Variants in FOCAD observed in about 807,000 individuals in gnomAD.
The protein encoded by FOCAD is focadhesin.
In FOCAD, 198 loss-of-function variants were observed where a neutral mutation model predicts 225.6. The observed-to-expected ratio is 0.88, with a 90% CI of 0.78 to 0.99. The LOEUF is 0.99. FOCAD is among the 50% of genes least tolerant of loss of function. The pLI is 0.00. For synonymous variants in FOCAD, 897 were observed against 755.0 expected (o/e 1.19, Z -3.08); for missense variants, 2,713 against 2,123.6 (o/e 1.28, Z -5.46).
chr9:20,789,611 A>G lies in FOCAD; in HGVS notation c.1455+3A>G, dbSNP rs202104932. Reference sequence around the variant, plus strand: ...TAGCCCAAGCAGATTCCTCCCAGGTAAAGCAAGAGAATAATGGAACAATAA... The same window carrying G: ...TAGCCCAAGCAGATTCCTCCCAGGTGAAGCAAGAGAATAATGGAACAATAA... On this transcript the variant is annotated splice_donor_region_variant and intron_variant, in intron 11 of 43. Coordinates refer to ENST00000338382, the MANE Select transcript of FOCAD (RefSeq NM_001375567.1). The G allele has an allele frequency of 1.7e-4, 281 of 1,613,650 alleles. 1 individual carries two copies. The South Asian group carries it at 2.8e-3, about 16-fold the overall frequency.
chr9:20,980,313 C>T (rs1014509675), intron 37 of FOCAD, among the ~76,000 whole-genome samples: 2 of 152,086 alleles, frequency 1.3e-5, no homozygotes, highest in African/African-American at 4.8e-5. Flanking sequence ...AAAGAGAGAG[C>T]TCTATCTATC....
chr9:20,656,070 C>T (rs1442531693), upstream of FOCAD, among the ~76,000 whole-genome samples: 7 of 150,984 alleles, frequency 4.6e-5, no homozygotes, highest in Non-Finnish European at 1.0e-4. Flanking sequence ...GTTCAGTTTC[C>T]ATGTAGTTGA....
At chr9:20,877,693 G>A (rs1587480891) in intron 19 of FOCAD, among the ~76,000 whole-genome samples, 2 of 151,974 alleles carry the variant, frequency 1.3e-5, no homozygotes, top group East Asian at 1.9e-4. Flanking sequence ...AAAATCATTC[G>A]AAAACCTCAA....
chr9:20,770,057 A>G lies in FOCAD; in HGVS notation c.725A>G (p.Glu242Gly). ...GTAAAAGATTTGATACAGACAACAG[A>G]GGCGATGATGTTTATTGAGGAAGTA... ...LQVKDLIQTTEAMMFIEEVCL... is the reference protein window; with the variant it reads ...LQVKDLIQTTGAMMFIEEVCL... The change falls in exon 8 of 44, where the codon GAG becomes GGG. Residue 242 changes from glutamate (E) to glycine (G), a missense_variant. Physicochemically the swap from Glu to Gly is moderately conservative, Grantham distance 98. Transcript: ENST00000338382. The G allele has an allele frequency of 6.2e-7, 1 of 1,614,062 alleles. No homozygotes were observed. Among genetic ancestry groups the G allele is most frequent in the East Asian group, 2.2e-5 (1 of 44,874 alleles).
intron 26 of FOCAD, 113 bp downstream of exon 26, chr9:20,926,530 T>A (rs1834964212): frequency 1.5e-6 from 1 of 674,722 alleles, no homozygotes; most frequent in Non-Finnish European, 2.6e-6. Flanking sequence ...ACGCCTGTAA[T>A]CCCAGCACTT....
intron 10 of FOCAD, among the ~76,000 whole-genome samples, chr9:20,783,390 T>G (rs1339365071): frequency 1.3e-5 from 2 of 152,148 alleles, no homozygotes; most frequent in African/African-American, 4.8e-5. Context: ...GCTTTTTTTT[T>G]TCCTGCACCT....
chr9:20,975,665 T>C (rs1232586973), intron 35 of FOCAD, among the ~76,000 whole-genome samples: 1 of 152,116 alleles, frequency 6.6e-6, no homozygotes, highest in Non-Finnish European at 1.5e-5. Context: ...AGAGGACAGC[T>C]AAGTAGCAAC....
intron 4 of FOCAD, among the ~76,000 whole-genome samples, chr9:20,736,592 C>T (rs1827169120): frequency 6.6e-6 from 1 of 152,124 alleles, no homozygotes; most frequent in Non-Finnish European, 1.5e-5. Flanking sequence ...TTCCAGGCCT[C>T]AGCGTTCATT....
chr9:20,717,435 A>G (rs1380840544), intron 2 of FOCAD, among the ~76,000 whole-genome samples: 1 of 152,224 alleles, frequency 6.6e-6, no homozygotes, highest in African/African-American at 2.4e-5. Context: ...TTTCAGTGCA[A>G]AGATGATTTT....
At chr9:20,696,789 C>G (rs553068783) in intron 1 of FOCAD, among the ~76,000 whole-genome samples, 1 of 151,988 alleles carries the variant, frequency 6.6e-6, no homozygotes, top group South Asian at 2.1e-4. Flanking sequence ...TGGGTGACAG[C>G]AAGACTCTAT....
chr9:20,752,941 C>G (rs922451895), intron 5 of FOCAD, among the ~76,000 whole-genome samples: 2 of 149,068 alleles, frequency 1.3e-5, no homozygotes, highest in Non-Finnish European at 3.0e-5. Context: ...GGAGTTCACT[C>G]ATGATTTGGC....
chr9:20,687,905 GC>G (rs1303738507), intron 1 of FOCAD, among the ~76,000 whole-genome samples: 1 of 152,178 alleles, frequency 6.6e-6, no homozygotes, highest in East Asian at 1.9e-4. Flanking sequence ...TTCAGAGAAG[GC>G]TTTATGGAGG....
intron 2 of FOCAD, among the ~76,000 whole-genome samples, chr9:20,669,417 G>A (rs1010539968): frequency 2.6e-5 from 4 of 152,108 alleles, no homozygotes; most frequent in African/African-American, 4.8e-5. Context: ...GGATTCTTGG[G>A]CCCAGAAACT....
chr9:20,683,975 C>T (rs773996327), upstream of FOCAD: 1 of 152,302 alleles, frequency 6.6e-6, no homozygotes, highest in African/African-American at 2.4e-5. Flanking sequence ...TTCCTTTAAT[C>T]TGATTTTCCT....
chr9:20,797,922 G>A (rs1319644621), intron 11 of FOCAD, among the ~76,000 whole-genome samples: 1 of 152,134 alleles, frequency 6.6e-6, no homozygotes, highest in East Asian at 1.9e-4. Context: ...CTTGTCTTGT[G>A]CCGGTTTTCA....
At chr9:20,810,815 C>A (rs780486268) in intron 11 of FOCAD, among the ~76,000 whole-genome samples, 1 of 152,032 alleles carries the variant, frequency 6.6e-6, no homozygotes, top group African/African-American at 2.4e-5. Flanking sequence ...CTACATCAAA[C>A]CCCTCAAGTG....
At chr9:20,740,678 C>T (rs1827538754) in intron 5 of FOCAD, among the ~76,000 whole-genome samples, 1 of 152,026 alleles carries the variant, frequency 6.6e-6, no homozygotes, top group Non-Finnish European at 1.5e-5. Context: ...ATATTTAAAG[C>T]AGGGGGGGAT....
In FOCAD at chr9:20,968,431, C is replaced by CTTTTTTTTTTTTTTTTTTTTTTTTTT. The variant is rs35624897; in HGVS notation, c.4133-7965_4133-7964insTTTTTTTTTTTTTTTTTTTTTTTTTT. On this transcript the variant is annotated intron_variant, in intron 35 of 43. Coordinates refer to ENST00000338382, the MANE Select transcript of FOCAD (RefSeq NM_001375567.1). Reference sequence around the variant, plus strand: ...GTTCTGTTGTTTGTATTTTCTTATTCTTTTTTTTTTTTTTTTTTTTTTTTG... The same window carrying CTTTTTTTTTTTTTTTTTTTTTTTTTT: ...GTTCTGTTGTTTGTATTTTCTTATTCTTTTTTTTTTTTTTTTTTTTTTTTTTTTTTTTTTTTTTTTTTTTTTTTTTG... Among the ~76,000 whole-genome samples the CTTTTTTTTTTTTTTTTTTTTTTTTTT allele has an allele frequency of 4.6e-5, 2 of 43,636 alleles. 1 individual carries two copies. The allele number at this position is 43,636 out of a possible 152,430, so 28.6% of individuals were successfully genotyped here. A position where few individuals can be genotyped will look rare whatever the true frequency, so the allele number is the denominator to read the frequency against.
At chr9:20,698,714 A>G (rs371767505) in intron 1 of FOCAD, among the ~76,000 whole-genome samples, 2 of 152,150 alleles carry the variant, frequency 1.3e-5, no homozygotes, top group East Asian at 1.9e-4. Flanking sequence ...GTATGCAAAA[A>G]TTTCTCAAGT....
Sources: gnomAD v4.1 joint callset for allele counts (sites outside exome capture counted in the v4.1 genomes callset) on GRCh38, gnomAD v4.1.1 for gene constraint, MANE v1.5 for transcripts, NCBI Gene and HGNC (gene_info 2026-07-23, HGNC 2026-07-21) for gene names.